Variants in TNN observed in about 807,000 individuals in gnomAD.
TNN encodes the protein tenascin N.
TNN carries 122 observed loss-of-function variants against 134.4 expected under a neutral mutation model. The observed-to-expected ratio is 0.91, with a 90% CI of 0.78 to 1.06. The LOEUF (loss-of-function observed/expected upper bound fraction) is 1.06, where lower values mean the gene tolerates loss of function less well. Among genes scored for constraint, TNN ranks in the 50% least tolerant of loss-of-function variants. The pLI is 0.00. For synonymous variants in TNN, 710 were observed against 670.3 expected, an observed-to-expected ratio of 1.06 and a Z score of -0.91; for missense variants, 1,739 against 1,699.4, an observed-to-expected ratio of 1.02 and a Z score of -0.41.
chr1:175,093,373 G>C (rs1674496825), intron 6 of TNN, among the ~76,000 whole-genome samples: 1 of 152,188 alleles, frequency 6.6e-6, no homozygotes, highest in South Asian at 2.1e-4. Context: ...AGTTCTTTTT[G>C]AATATAAGCT....
At chr1:175,088,104 A>C (rs1674360687) in intron 6 of TNN, among the ~76,000 whole-genome samples, 3 of 152,164 alleles carry the variant, frequency 2.0e-5, no homozygotes, top group African/African-American at 7.2e-5. Context: ...TGGAGACCTC[A>C]TTATATAGGA....
chr1:175,097,410 C>A lies in TNN; in HGVS notation c.1589-7C>A, dbSNP rs757891304. ...GGCTACATTCTTCTTTCATCTCTCT[C>A]TTAAAGAAATTGACAGCCCAGCAAA... On this transcript the variant is annotated splice_region_variant and splice_polypyrimidine_tract_variant and intron_variant, in intron 7 of 18. Coordinates refer to ENST00000239462, the MANE Select transcript of TNN (RefSeq NM_022093.2). The A allele has an allele frequency of 6.2e-7, 1 of 1,614,140 alleles. No homozygotes were observed. The highest frequency in any genetic ancestry group is 1.1e-5 in the South Asian group (1 of 91,074).
chr1:175,074,810 A>G (rs562637364), intron 1 of TNN, among the ~76,000 whole-genome samples: 1 of 152,376 alleles, frequency 6.6e-6, no homozygotes, highest in South Asian at 2.1e-4. Flanking sequence ...AAAGCATTGC[A>G]TAGGGACATG....
intron 9 of TNN, among the ~76,000 whole-genome samples, chr1:175,109,031 G>C (rs1468281464): frequency 3.4e-5 from 5 of 146,900 alleles, no homozygotes; most frequent in Admixed American, 2.7e-4. Flanking sequence ...TAATCCTACT[G>C]TGCTATCAAA....
chr1:175,107,646 G>T (rs534349464), intron 9 of TNN, among the ~76,000 whole-genome samples: 7 of 141,596 alleles, frequency 4.9e-5, no homozygotes, highest in African/African-American at 1.6e-4. Flanking sequence ...GACCCGAGAA[G>T]GTTGCCAATG....
At chr1:175,073,635 C>T (rs1673969977) in intron 1 of TNN, among the ~76,000 whole-genome samples, 1 of 152,238 alleles carries the variant, frequency 6.6e-6, no homozygotes. Flanking sequence ...CTCCACTTCT[C>T]TCTCCTTAAC....
chr1:175,106,862 T>C (rs1674869246), intron 9 of TNN, among the ~76,000 whole-genome samples: 1 of 145,828 alleles, frequency 6.9e-6, no homozygotes, highest in South Asian at 2.3e-4. Flanking sequence ...AGTTGGGGGT[T>C]GTTAGAGAGC....
chr1:175,075,654 C>T (rs563134007), intron 1 of TNN, among the ~76,000 whole-genome samples: 5 of 152,262 alleles, frequency 3.3e-5, no homozygotes, highest in East Asian at 3.9e-4. Flanking sequence ...TTCAGTAAAT[C>T]GATTGAAAAT....
intron 13 of TNN, 80 bp downstream of exon 13, chr1:175,127,165 C>T (rs1002422143): frequency 2.0e-5 from 31 of 1,534,504 alleles, no homozygotes; most frequent in Non-Finnish European, 2.6e-5. Context: ...AGCTCATTTG[C>T]TGGCCTCACG....
At chr1:175,115,614 G>T (rs554531535) in intron 9 of TNN, among the ~76,000 whole-genome samples, 1 of 152,224 alleles carries the variant, frequency 6.6e-6, no homozygotes, top group South Asian at 2.1e-4. Flanking sequence ...GGATGAAGGG[G>T]TGAATGGCTA....
intron 12 of TNN, among the ~76,000 whole-genome samples, chr1:175,124,549 C>T (rs997519720): frequency 1.3e-5 from 2 of 152,022 alleles, no homozygotes; most frequent in East Asian, 3.9e-4. Flanking sequence ...GGTGTGGTGG[C>T]AGGTGCCTGT....
intron 11 of TNN, 110 bp downstream of exon 11, chr1:175,118,934 C>A: frequency 7.1e-7 from 1 of 1,403,430 alleles, no homozygotes; most frequent in Non-Finnish European, 9.7e-7. Flanking sequence ...GGGCTGCAGA[C>A]TGTTTTAGGA....
Position 175,130,153 on chromosome 1 carries a change from G to A in TNN, c.3330+1407G>A, listed in dbSNP as rs148281492. On this transcript the variant is annotated intron_variant, in intron 15 of 18. Coordinates refer to ENST00000239462, the MANE Select transcript of TNN (RefSeq NM_022093.2). The stretch of plus-strand genomic sequence containing the variant: ...TCTCACTGCTCCAAGCCAGCATGCA[G>A]CCTTAACCTGCTGTGCATCCGCAAC... Among the ~76,000 whole-genome samples, 396 of 152,306 alleles carry A rather than the reference G, an allele frequency of 2.6e-3. 3 individuals are homozygous for A. Among genetic ancestry groups the A allele is most frequent in the African/African-American group, 8.9e-3 (368 of 41,562 alleles).
intron 8 of TNN, among the ~76,000 whole-genome samples, chr1:175,097,891 G>A (rs879280116): frequency 6.6e-6 from 1 of 152,220 alleles, no homozygotes; most frequent in Non-Finnish European, 1.5e-5. Flanking sequence ...CCCACTGAAA[G>A]AGAGAAGTAA....
chr1:175,145,573 A>AAAAAAAAAAAAAAC (rs1676044806), intron 18 of TNN, among the ~76,000 whole-genome samples: 1 of 149,690 alleles, frequency 6.7e-6, no homozygotes, highest in Non-Finnish European at 1.5e-5. Flanking sequence ...AAAAAAAAAA[A>AAAAAAAAAAAAAAC]AAGCTGTCTC....
At chr1:175,114,386 G>A (rs1675111312) in intron 9 of TNN, among the ~76,000 whole-genome samples, 1 of 152,338 alleles carries the variant, frequency 6.6e-6, no homozygotes, top group East Asian at 1.9e-4. Context: ...TGGCAGTATA[G>A]GTTGTTAATG....
At position 175,077,837 on chromosome 1, in the gene TNN, C is replaced by A. The variant is rs1359862525; in HGVS notation, c.409+10C>A. On this transcript the variant is annotated intron_variant, in intron 2 of 18. Coordinates refer to ENST00000239462, the MANE Select transcript of TNN (RefSeq NM_022093.2). ...TGCCAGGGAGTCACTGGTGAGCTCACCACCTGGTATTCATTCAACAAACAT... is the reference window on the plus strand; with the variant it reads ...TGCCAGGGAGTCACTGGTGAGCTCAACACCTGGTATTCATTCAACAAACAT... 1 of 1,604,026 alleles carries A rather than the reference C, an allele frequency of 6.2e-7. No homozygotes were observed. Among genetic ancestry groups the A allele is most frequent in the Non-Finnish European group, 8.5e-7 (1 of 1,172,316 alleles).
intron 7 of TNN, among the ~76,000 whole-genome samples, chr1:175,096,325 C>T (rs1262239020): frequency 1.8e-4 from 28 of 152,100 alleles, no homozygotes; most frequent in Non-Finnish European, 1.0e-4. Flanking sequence ...AATGGAGGGC[C>T]GGTCTGTGTG....
At chr1:175,093,935 T>G (rs1299695096) in intron 6 of TNN, 55 bp from the exon 7 acceptor site, 11 of 1,552,030 alleles carry the variant, frequency 7.1e-6, no homozygotes, top group Admixed American at 3.5e-5. Context: ...CAATCTATGA[T>G]CTTGACTAAC....
Sources: gnomAD v4.1 joint callset for allele counts (sites outside exome capture counted in the v4.1 genomes callset) on GRCh38, gnomAD v4.1.1 for gene constraint, MANE v1.5 for transcripts, NCBI Gene and HGNC (gene_info 2026-07-23, HGNC 2026-07-21) for gene names.